LAT2: variants seen among roughly 807,000 people sequenced by gnomAD.
LAT2 encodes the protein linker for activation of T cells family member 2, also known as linker for activation of T-cells family member 2.
Under a neutral mutation model 43.4 loss-of-function variants are expected in LAT2, and 23 were observed. That is an observed-to-expected ratio of 0.53 (90% CI 0.38 to 0.75). LAT2 has a LOEUF of 0.75. Ranked by LOEUF, LAT2 falls within the 30% of genes least tolerant of loss-of-function variation. The pLI is 0.00. For synonymous variants in LAT2, 128 were observed against 123.2 expected, an observed-to-expected ratio of 1.04 and a Z score of -0.26; for missense variants, 284 against 310.2, an observed-to-expected ratio of 0.92 and a Z score of 0.64.
At chr7:74,213,050 C>G (rs1801783627) in intron 1 of LAT2, among the ~76,000 whole-genome samples, 1 of 152,200 alleles carries the variant, frequency 6.6e-6, no homozygotes, top group South Asian at 2.1e-4. Context: ...GGGGACAGCC[C>G]AGGTCCTGGT....
rs2116120835 is a variant in LAT2, at chr7:74,216,038, A to G, written c.63A>G (p.Ala21=). Residue 21 remains alanine, a synonymous_variant, in exon 3 of 14, where the codon GCA becomes GCG. Coordinates refer to ENST00000460943, the MANE Select transcript of LAT2 (RefSeq NM_032464.3). ...GAALLVLLGV[A]ASLCVRCSRP... Reference sequence around the variant, plus strand: ...CGCTGCTGGTGCTGTTGGGGGTGGCAGCCAGTCTGTGTGTGCGCTGCTCAC... The same window carrying G: ...CGCTGCTGGTGCTGTTGGGGGTGGCGGCCAGTCTGTGTGTGCGCTGCTCAC... The G allele has an allele frequency of 6.2e-7, 1 of 1,613,534 alleles. No homozygotes were observed. The highest frequency in any genetic ancestry group is 8.5e-7 in the Non-Finnish European group (1 of 1,179,854).
intron 1 of LAT2, among the ~76,000 whole-genome samples, chr7:74,214,199 TGAAAATATATATGA>T: frequency 2.9e-5 from 3 of 102,676 alleles, no homozygotes; most frequent in East Asian, 5.0e-4. Flanking sequence ...AATATATATA[TGAAAATATATATGA>T]AAATATATAT....
chr7:74,210,311 C>T (rs961310042), intron 1 of LAT2, among the ~76,000 whole-genome samples: 1 of 152,192 alleles, frequency 6.6e-6, no homozygotes, highest in Non-Finnish European at 1.5e-5. Context: ...GCCTGTGTAG[C>T]CTTGGGACAT....
chr7:74,212,540 T>C (rs1284090770), intron 1 of LAT2, among the ~76,000 whole-genome samples: 2 of 152,140 alleles, frequency 1.3e-5, no homozygotes, highest in African/African-American at 4.8e-5. Flanking sequence ...TCCCAAAGTA[T>C]TGGGATTACA....
In LAT2 at chr7:74,214,876, A is replaced by C. The variant is rs1433070747; in HGVS notation, c.-164A>C. ...GGTCTGGAGCTCTTGATCTCAAGCG[A>C]TCCTCCCTGCCTCGGCCTCCCAACG... On this transcript the variant is annotated 5_prime_UTR_variant, in exon 2 of 14. Transcript: ENST00000460943. 1 of 140,360 alleles carries C rather than the reference A, an allele frequency of 7.1e-6. No individual in the cohort carries two copies. The highest frequency in any genetic ancestry group is 1.5e-5 in the Non-Finnish European group (1 of 66,088). 8.7% of individuals were successfully genotyped at this position (140,360 alleles called of 1,614,324 possible).
chr7:74,214,255 T>TATATATATAA (rs1563967028), intron 1 of LAT2, among the ~76,000 whole-genome samples: 15 of 46,376 alleles, frequency 3.2e-4, no homozygotes, highest in East Asian at 8.4e-4. Context: ...TATATATAAA[T>TATATATATAA]ATATATATAT....
Position 74,229,159 on chromosome 7 carries a change from G to T in LAT2, c.*234G>T, listed in dbSNP as rs1802600564. The stretch of plus-strand genomic sequence containing the variant: ...CGTCACCAAGCCCTCTCCCGACCCA[G>T]GCTTTGTGGGGCAGGCACCTGGTAC... On this transcript the variant is annotated 3_prime_UTR_variant, in exon 14 of 14. Transcript: ENST00000460943. The T allele has an allele frequency of 6.6e-6, 1 of 152,272 alleles. No individual in the cohort carries two copies. The highest frequency in any genetic ancestry group is 2.1e-4 in the South Asian group (1 of 4,834). The allele number at this position is 152,272 out of a possible 1,614,324, so 9.4% of individuals were successfully genotyped here.
At position 74,220,877 on chromosome 7, in the gene LAT2, G is replaced by A. The variant is rs1223891679; in HGVS notation, c.332+143G>A. On this transcript the variant is annotated intron_variant, in intron 9 of 13. Coordinates refer to ENST00000460943, the MANE Select transcript of LAT2 (RefSeq NM_032464.3). The surrounding 1 kb of genome is among the most constrained non-coding windows in gnomAD (Gnocchi z 4.5). ...GGAACCACCTCTTGCACTAGAACGA[G>A]GCATCCAGGTTCCCCTCCTTCTCCT... is the stretch of plus-strand genomic sequence containing the variant. 1.5e-6 allele frequency: 1 copy of A among 682,184 alleles called. No individual in the cohort carries two copies. The highest frequency in any genetic ancestry group is 2.4e-6 in the Non-Finnish European group (1 of 412,634). 42.3% of individuals were successfully genotyped at this position (682,184 alleles called of 1,614,324 possible). A position where few individuals can be genotyped will look rare whatever the true frequency, so the allele number is the denominator to read the frequency against.
At chr7:74,212,458 T>G (rs1333328636) in intron 1 of LAT2, among the ~76,000 whole-genome samples, 1 of 151,846 alleles carries the variant, frequency 6.6e-6, no homozygotes, top group Non-Finnish European at 1.5e-5. Context: ...ATTTTTGTAT[T>G]TCTAGTAGAA....
Position 74,220,979 on chromosome 7 carries a change from G to A in LAT2, c.332+245G>A, listed in dbSNP as rs1338915768. 6.6e-6 allele frequency among the ~76,000 whole-genome samples: 1 copy of A among 152,128 alleles called. No homozygotes were observed. The highest frequency in any genetic ancestry group is 2.4e-5 in the African/African-American group (1 of 41,432). Reference sequence around the variant, plus strand: ...GGGGACTGGACTTTGCCCTGCTCTGGGACACAGAGTGTCAGGGGCGGGGGA... The same window carrying A: ...GGGGACTGGACTTTGCCCTGCTCTGAGACACAGAGTGTCAGGGGCGGGGGA... On this transcript the variant is annotated intron_variant, in intron 9 of 13. Coordinates refer to ENST00000460943, the MANE Select transcript of LAT2 (RefSeq NM_032464.3). The surrounding 1 kb of genome is among the most constrained non-coding windows in gnomAD (Gnocchi z 4.5).
chr7:74,210,745 G>A (rs1421436742), intron 1 of LAT2, among the ~76,000 whole-genome samples: 2 of 152,038 alleles, frequency 1.3e-5, no homozygotes, highest in South Asian at 2.1e-4. Context: ...GTCAGGAGCT[G>A]GAGACCAGCC....
Position 74,221,646 on chromosome 7 carries a change from T to C in LAT2, c.342T>C (p.Ile114=). The C allele has an allele frequency of 6.2e-7, 1 of 1,613,190 alleles. No homozygotes were observed. The highest frequency in any genetic ancestry group is 8.5e-7 in the Non-Finnish European group (1 of 1,179,484). The change falls in exon 10 of 14, where the codon ATT becomes ATC. Residue 114 remains isoleucine (I), a synonymous_variant. Coordinates refer to ENST00000460943, the MANE Select transcript of LAT2 (RefSeq NM_032464.3). ...ATGTTTTCTTGGCCAGAGACCCCATTGCCATGGAGTATTACAACTGGGGGC... is the reference window on the plus strand; with the variant it reads ...ATGTTTTCTTGGCCAGAGACCCCATCGCCATGGAGTATTACAACTGGGGGC... ...HGSEEAYIDP[I]AMEYYNWGRF...
Position 74,220,296 on chromosome 7 carries a change from C to A in LAT2, c.265+42C>A. 1.3e-6 allele frequency: 2 copies of A among 1,591,044 alleles called. No individual in the cohort carries two copies. The highest frequency in any genetic ancestry group is 1.8e-5 in the Admixed American group (1 of 57,082). On this transcript the variant is annotated intron_variant, in intron 7 of 13. Coordinates refer to ENST00000460943, the MANE Select transcript of LAT2 (RefSeq NM_032464.3). The surrounding 1 kb of genome is among the most constrained non-coding windows in gnomAD (Gnocchi z 4.5). Reference sequence around the variant, plus strand: ...AGGGACAGGGACAGGCCTAGCCAAGCTGGGACTAAGACAGGCGAAAACCCC... The same window carrying A: ...AGGGACAGGGACAGGCCTAGCCAAGATGGGACTAAGACAGGCGAAAACCCC...
chr7:74,228,377 G>A (rs532992852), intron 13 of LAT2, among the ~76,000 whole-genome samples: 71 of 151,620 alleles, frequency 4.7e-4, no homozygotes, highest in Non-Finnish European at 5.6e-4. Flanking sequence ...TTGGGAGGCT[G>A]AGGCAAGAGA....
chr7:74,219,744 G>A lies in LAT2; in HGVS notation c.135G>A (p.Leu45=), dbSNP rs368953885. The change falls in exon 5 of 14, where the codon CTG becomes CTA. Residue 45 remains leucine, a splice_region_variant and synonymous_variant. Transcript: ENST00000460943. ...CTCAGCACAGCCCATGCATTTCCAGGCGTGAGGACCAACAGAGCTTTACGG... is the reference window on the plus strand; with the variant it reads ...CTCAGCACAGCCCATGCATTTCCAGACGTGAGGACCAACAGAGCTTTACGG... ...RSEKIYQQRS[L]REDQQSFTGS... The A allele has an allele frequency of 6.2e-6, 10 of 1,614,002 alleles. No individual in the cohort carries two copies. In the African/African-American group the frequency reaches 1.3e-4, roughly 22 times the overall value.
Position 74,221,410 on chromosome 7 carries a change from CAAAAAAAAAA to C in LAT2, c.333-207_333-198del, listed in dbSNP as rs782694803. Among the ~76,000 whole-genome samples, 198 of 21,078 alleles carry C rather than the reference CAAAAAAAAAA, an allele frequency of 9.4e-3. 5 individuals are homozygous for C. Among genetic ancestry groups the C allele is most frequent in the Admixed American group, 0.081 (152 of 1,882 alleles). The allele number at this position is 21,078 out of a possible 152,430, so 13.8% of individuals were successfully genotyped here. ...AGCCTGGGTGACAGAGACTCTGTCTCAAAAAAAAAAAAAAAAAAAAAAAAAAAAAGTGGCT... is the reference window on the plus strand; with the variant it reads ...AGCCTGGGTGACAGAGACTCTGTCTCAAAAAAAAAAAAAAAAAAAGTGGCT... On this transcript the variant is annotated intron_variant, in intron 9 of 13. Transcript: ENST00000460943.
intron 12 of LAT2, 68 bp from the exon 13 acceptor site, chr7:74,224,571 T>C: frequency 7.3e-7 from 1 of 1,367,774 alleles, no homozygotes; most frequent in Non-Finnish European, 1.0e-6. Context: ...GGGGTCTGAG[T>C]CTGGGGGAGC....
intron 11 of LAT2, 81 bp from the exon 12 acceptor site, chr7:74,223,937 A>G (rs1026464143): frequency 6.0e-6 from 9 of 1,507,058 alleles, no homozygotes; most frequent in Admixed American, 1.9e-5. Context: ...CCTTGCCCCT[A>G]CTATCCTCGG....
chr7:74,215,824 C>T (rs978290760), intron 2 of LAT2, 123 bp from the exon 3 acceptor site: 31 of 706,186 alleles, frequency 4.4e-5, no homozygotes, highest in Admixed American at 1.4e-4. Flanking sequence ...AGTGCAGGAG[C>T]GGGGAGGGGA....
Sources: allele counts gnomAD v4.1 joint callset (sites outside exome capture counted in the v4.1 genomes callset), GRCh38; gene constraint gnomAD v4.1.1; non-coding constraint Gnocchi (gnomAD v3.1); transcripts MANE v1.5; gene names NCBI Gene and HGNC (gene_info 2026-07-23, HGNC 2026-07-21).